The following PRDM10 variants were observed in gnomAD, a reference collection of about 807,000 sequenced individuals.
PRDM10 encodes the protein PR/SET domain 10, also known as PR domain zinc finger protein 10.
Under a neutral mutation model 133.1 loss-of-function variants are expected in PRDM10, and 65 were observed. The observed-to-expected ratio is 0.49, with a 90% CI of 0.40 to 0.60. The LOEUF (loss-of-function observed/expected upper bound fraction) is 0.60. Ranked by LOEUF, PRDM10 falls within the 20% of genes least tolerant of loss-of-function variation. The pLI, the probability that PRDM10 is intolerant of heterozygous loss-of-function variation, is 0.00. For synonymous variants in PRDM10, 582 were observed against 580.4 expected, an observed-to-expected ratio of 1.00 and a Z score of -0.04; for missense variants, 1,137 against 1,507.1, an observed-to-expected ratio of 0.75 and a Z score of 4.07.
At chr11:129,968,386 T>C (rs1352579395) in intron 1 of PRDM10, among the ~76,000 whole-genome samples, 1 of 152,078 alleles carries the variant, frequency 6.6e-6, no homozygotes, top group African/African-American at 2.4e-5. Flanking sequence ...AAAGAAGTTA[T>C]AGGGAGACTG....
intron 5 of PRDM10, among the ~76,000 whole-genome samples, chr11:129,946,137 T>C (rs1419091409): frequency 1.3e-5 from 2 of 151,892 alleles, no homozygotes. Flanking sequence ...CCAACTACTC[T>C]ACTCCGGAGG....
At chr11:129,953,039 T>C (rs1193421829) in intron 4 of PRDM10, among the ~76,000 whole-genome samples, 1 of 151,990 alleles carries the variant, frequency 6.6e-6, no homozygotes, top group Admixed American at 6.6e-5. Flanking sequence ...AATGGCACGA[T>C]CTCAGCTCAC....
intron 20 of PRDM10, among the ~76,000 whole-genome samples, 173 bp downstream of exon 20, chr11:129,905,465 T>C (rs950603923): frequency 1.3e-4 from 19 of 151,892 alleles, no homozygotes; most frequent in African/African-American, 4.6e-4. Context: ...CCTAGCCTCC[T>C]GGACAGGGCA....
Position 129,947,666 on chromosome 11 carries a change from A to T in PRDM10, c.295-296T>A. 1.2e-6 allele frequency: 1 copy of T among 852,410 alleles called. No individual in the cohort carries two copies. The highest frequency in any genetic ancestry group is 1.9e-5 in the South Asian group (1 of 52,282). 52.8% of individuals were successfully genotyped at this position (852,410 alleles called of 1,614,324 possible). A position where few individuals can be genotyped will look rare whatever the true frequency, so the allele number is the denominator to read the frequency against. ...CTCCCTCCTTTGGCAGCAGTGGGAG[A>T]GTCAACACTGGCAAGGCCCTGACCA... On this transcript the variant is annotated intron_variant, in intron 4 of 20. Coordinates refer to ENST00000360871, the MANE Select transcript of PRDM10 (RefSeq NM_199437.2). This position sits in a 1 kb window ranked among gnomAD's most constrained non-coding sequence, Gnocchi z 4.6.
chr11:129,990,522 CAAA>C (rs59217112), intron 1 of PRDM10, among the ~76,000 whole-genome samples: 1,794 of 67,060 alleles, frequency 0.027, 18 homozygotes, highest in African/African-American at 0.076. Flanking sequence ...ACTTTGTCTC[CAAA>C]AAAAAAAAAA....
At chr11:129,925,311 A>T (rs1019412597) in intron 11 of PRDM10, 82 bp from the exon 12 acceptor site, 1 of 1,287,266 alleles carries the variant, frequency 7.8e-7, no homozygotes, top group Admixed American at 2.6e-5. Flanking sequence ...GAAAGAGAGG[A>T]TGATCTCTGC....
At chr11:129,946,012 G>A (rs567708008) in intron 5 of PRDM10, among the ~76,000 whole-genome samples, 11 of 152,052 alleles carry the variant, frequency 7.2e-5, no homozygotes, top group Non-Finnish European at 1.5e-4. Flanking sequence ...TGAGGTGGGC[G>A]GATCACTTGA....
chr11:129,948,964 A>G (rs1020393086), intron 4 of PRDM10, among the ~76,000 whole-genome samples: 3 of 152,158 alleles, frequency 2.0e-5, no homozygotes, highest in Non-Finnish European at 4.4e-5. Context: ...GGACTTCAAG[A>G]GCTGATTTTT....
At chr11:129,999,644 G>T (rs1385573740) in intron 1 of PRDM10, among the ~76,000 whole-genome samples, 1 of 152,152 alleles carries the variant, frequency 6.6e-6, no homozygotes, top group African/African-American at 2.4e-5. Context: ...GTTACGAGGT[G>T]TTTACCAGTG....
chr11:129,988,085 T>C (rs989774788), intron 1 of PRDM10, among the ~76,000 whole-genome samples: 1 of 152,160 alleles, frequency 6.6e-6, no homozygotes, highest in Non-Finnish European at 1.5e-5. Context: ...TGAAAGAAGC[T>C]AGTCACAAAG....
chr11:129,985,809 AATATATATAT>A (rs1555114095), intron 1 of PRDM10, among the ~76,000 whole-genome samples: 8 of 61,096 alleles, frequency 1.3e-4, no homozygotes, highest in African/African-American at 6.5e-4. Context: ...AAAAAAAAAA[AATATATATAT>A]ATATATATAT....
intron 14 of PRDM10, among the ~76,000 whole-genome samples, 193 bp from the exon 15 acceptor site, chr11:129,917,430 AG>A (rs1346131085): frequency 6.6e-6 from 1 of 152,238 alleles, no homozygotes; most frequent in African/African-American, 2.4e-5. Context: ...CATGGTTAAC[AG>A]GAGTTAACAA....
intron 1 of PRDM10, among the ~76,000 whole-genome samples, chr11:129,970,345 A>G (rs1420979028): frequency 6.6e-6 from 1 of 152,212 alleles, no homozygotes; most frequent in Non-Finnish European, 1.5e-5. Flanking sequence ...AGACAGAAAG[A>G]GGCGAAGCGA....
At chr11:129,975,300 G>A (rs1402397619) in intron 1 of PRDM10, among the ~76,000 whole-genome samples, 1 of 151,888 alleles carries the variant, frequency 6.6e-6, no homozygotes, top group Non-Finnish European at 1.5e-5. Context: ...GGTGGCAGGC[G>A]CCTGTAGTCC....
chr11:130,001,919 G>A (rs1483008878), intron 1 of PRDM10, among the ~76,000 whole-genome samples: 1 of 151,206 alleles, frequency 6.6e-6, no homozygotes, highest in African/African-American at 2.4e-5. Context: ...GGTGCCACGG[G>A]ACAGACCCGC....
At chr11:129,930,888 C>T (rs926660544) in intron 11 of PRDM10, 128 bp downstream of exon 11, 17 of 1,337,934 alleles carry the variant, frequency 1.3e-5, no homozygotes, top group Admixed American at 2.4e-5. Context: ...ATAAGGGGAT[C>T]GAGCATGTGA....
At position 129,918,448 on chromosome 11, in the gene PRDM10, T is replaced by G; in HGVS notation, c.2214+91A>C. On this transcript the variant is annotated intron_variant, in intron 14 of 20. Coordinates refer to ENST00000360871, the MANE Select transcript of PRDM10 (RefSeq NM_199437.2). The surrounding 1 kb of genome is among the most constrained non-coding windows in gnomAD (Gnocchi z 5.3). ...TGACAAAACCATTGATCGATATAACTTAGGACACAATGCAACACAAACGTC... is the reference window on the plus strand; with the variant it reads ...TGACAAAACCATTGATCGATATAACGTAGGACACAATGCAACACAAACGTC... 6.9e-7 allele frequency: 1 copy of G among 1,454,016 alleles called. No individual in the cohort carries two copies. The highest frequency in any genetic ancestry group is 2.3e-5 in the East Asian group (1 of 42,960). The allele number at this position is 1,454,016 out of a possible 1,614,324, so 90.1% of individuals were successfully genotyped here.
rs985184344 is a variant in PRDM10, at chr11:129,947,245, C to T, written c.420G>A (p.Glu140=). The change falls in exon 5 of 21, where the codon GAG becomes GAA. Residue 140 remains glutamate (E), a synonymous_variant. Transcript: ENST00000360871. The surrounding 1 kb of genome is among the most constrained non-coding windows in gnomAD (Gnocchi z 4.6). The stretch of plus-strand genomic sequence containing the variant: ...CCTCATCTTCCTCAGTGTCCTCGTC[C>T]TCATCCTCATCCTCTTCCTCTTTGG... The part of the protein sequence containing the change: ...LEAKEEEDED[E]DEDTEEDEEE... The T allele has an allele frequency of 1.2e-6, 2 of 1,614,130 alleles. No homozygotes were observed. Among genetic ancestry groups the T allele is most frequent in the Non-Finnish European group, 1.7e-6 (2 of 1,180,016 alleles).
chr11:129,957,924 G>C lies in PRDM10; in HGVS notation c.70-14C>G, dbSNP rs1270520917. Reference sequence around the variant, plus strand: ...AACAAAGTGCACCTGGCATAAACAGGAGACAAAGAACAAAATCAGTATCAG... The same window carrying C: ...AACAAAGTGCACCTGGCATAAACAGCAGACAAAGAACAAAATCAGTATCAG... On this transcript the variant is annotated splice_polypyrimidine_tract_variant and intron_variant, in intron 2 of 20. Transcript: ENST00000360871. The C allele has an allele frequency of 6.2e-7, 1 of 1,601,688 alleles. No homozygotes were observed. The highest frequency in any genetic ancestry group is 1.3e-5 in the African/African-American group (1 of 74,716).
Sources: allele counts gnomAD v4.1 joint callset (sites outside exome capture counted in the v4.1 genomes callset), GRCh38; gene constraint gnomAD v4.1.1; non-coding constraint Gnocchi (gnomAD v3.1); transcripts MANE v1.5; gene names NCBI Gene and HGNC (gene_info 2026-07-23, HGNC 2026-07-21).